The following TCEAL4 variants were observed in gnomAD, a reference collection of about 807,000 sequenced individuals.
TCEAL4 encodes the protein transcription elongation factor A like 4.
A neutral mutation model predicts 1.3 loss-of-function variants in TCEAL4; 1 was observed. The ratio of observed to expected loss-of-function variants is 0.79; its 90% CI spans 0.28 to 3.76. TCEAL4 has a LOEUF of 3.76. TCEAL4 is among the 30% of genes most tolerant of loss of function. TCEAL4 has a pLI of 0.18. For missense variants in TCEAL4, 129 were observed against 154.7 expected (o/e 0.83, Z 0.88); for synonymous variants, 54 against 50.7 (o/e 1.06, Z -0.28).
chrX:103,577,005 C>T, intron 1 of TCEAL4: 1 of 1,050,388 alleles, frequency 9.5e-7, no homozygotes, highest in Non-Finnish European at 1.3e-6. Context: ...CCAAAAATGC[C>T]AGGCAGATCT....
intron 1 of TCEAL4, 164 bp downstream of exon 1, chrX:103,585,788 G>A (rs1430335752): frequency 3.6e-5 from 40 of 1,121,251 alleles, no homozygotes; most frequent in Non-Finnish European, 4.4e-5. Context: ...GGTGGCTGAG[G>A]GGGAGCACGT....
At chrX:103,584,357 T>C (rs2073523785), upstream of TCEAL4, among the ~76,000 whole-genome samples, 1 of 112,162 alleles carries the variant, frequency 8.9e-6, no homozygotes, top group South Asian at 3.7e-4. Context: ...TTTCATGTAA[T>C]CTAATCTATC....
chrX:103,585,701 G>T, intron 1 of TCEAL4, 77 bp downstream of exon 1: 7 of 1,163,298 alleles, frequency 6.0e-6, no homozygotes, highest in Admixed American at 2.6e-5. Context: ...AGGGGGAAAG[G>T]CTGGGGGTGG....
chrX:103,579,691 T>C (rs1025300207), intron 2 of TCEAL4, among the ~76,000 whole-genome samples: 5 of 112,253 alleles, frequency 4.5e-5, no homozygotes, highest in African/African-American at 6.5e-5. Flanking sequence ...GGATGTTCTA[T>C]ATGCAAGATC....
rs927206000 is a variant in TCEAL4, at chrX:103,576,548, G to A, written c.63+16G>A. The A allele has an allele frequency of 1.2e-5, 12 of 961,981 alleles. No individual in the cohort carries two copies. The African/African-American group carries it at 2.1e-4, about 17-fold the overall frequency. The allele number at this position is 961,981 out of a possible 1,213,427, so 79.3% of individuals were successfully genotyped here. On this transcript the variant is annotated intron_variant, in intron 1 of 4. Coordinates refer to the TCEAL4 transcript ENST00000372629. ...GGAGGCCAGGGTGAGTAGATCACCT[G>A]AGGTCAGGAGTTTGAGGCCAGCCTG...
In TCEAL4 at chrX:103,580,314, T is replaced by A. The variant is rs180736178; in HGVS notation, c.183+3101T>A. ...AGATTAAACGGGTATACTAAGAAGA[T>A]TATGTAACTAAACCTGTAATGATGG... On this transcript the variant is annotated intron_variant, in intron 2 of 4. Coordinates refer to the TCEAL4 transcript ENST00000372629. Among the ~76,000 whole-genome samples the A allele has an allele frequency of 6.7e-3, 758 of 112,558 alleles. 4 individuals carry two copies. Among genetic ancestry groups the A allele is most frequent in the Non-Finnish European group, 0.012 (619 of 53,289 alleles).
In TCEAL4 at chrX:103,587,091, A is replaced by G. The variant is rs2073562194; in HGVS notation, c.416A>G (p.Lys139Arg). ...KTNKGLAHYL[K>R]EYKEAIHDMN... ...AATAAGGGGCTGGCTCATTACCTCA[A>G]GGAGTATAAAGAGGCCATACATGAT... The change falls in exon 3 of 3, where the codon AAG (lysine) becomes AGG (arginine). Residue 139 changes from lysine (K) to arginine (R), a missense_variant. By Grantham distance (26) the Lys-to-Arg change is conservative. Transcript: ENST00000472484. 8 of 1,209,465 alleles carry G rather than the reference A, an allele frequency of 6.6e-6. No individual in the cohort carries two copies. The highest frequency in any genetic ancestry group is 8.9e-6 in the Non-Finnish European group (8 of 895,161).
At chrX:103,583,475 A>G (rs1304999956), upstream of TCEAL4, among the ~76,000 whole-genome samples, 1 of 112,580 alleles carries the variant, frequency 8.9e-6, no homozygotes, top group Non-Finnish European at 1.9e-5. Flanking sequence ...ATGCCCATCA[A>G]TGATAGACTA....
upstream of TCEAL4, chrX:103,585,468 G>C: frequency 4.6e-6 from 5 of 1,086,104 alleles, no homozygotes; most frequent in Non-Finnish European, 6.0e-6. Context: ...GCTAGGAGGC[G>C]GGGCGTGGGG....
chrX:103,585,719 T>C, intron 1 of TCEAL4, 95 bp downstream of exon 1: 1 of 1,157,794 alleles, frequency 8.6e-7, no homozygotes, highest in South Asian at 1.9e-5. Flanking sequence ...TGGGGTCGGG[T>C]CGAGTCGAGG....
intron 2 of TCEAL4, among the ~76,000 whole-genome samples, chrX:103,578,928 A>T (rs1265914837): frequency 1.8e-5 from 2 of 112,194 alleles, no homozygotes; most frequent in Admixed American, 9.5e-5. Context: ...GGTCATAAAG[A>T]ATTACACCTA....
upstream of TCEAL4, chrX:103,585,359 T>C (rs924099568): frequency 1.2e-5 from 9 of 731,702 alleles, no homozygotes; most frequent in Admixed American, 5.2e-5. Context: ...ATTAAGATTC[T>C]TTCTTTGATT....
chrX:103,577,148 T>C (rs1367125740), exon 2 of TCEAL4: 3 of 1,167,151 alleles, frequency 2.6e-6, no homozygotes, highest in East Asian at 3.2e-5. Flanking sequence ...ATGCGAAGAA[T>C]GGAAAGGTCA....
intron 2 of TCEAL4, among the ~76,000 whole-genome samples, chrX:103,578,146 T>C (rs1285385758): frequency 8.9e-6 from 1 of 112,631 alleles, no homozygotes; most frequent in African/African-American, 3.2e-5. Flanking sequence ...TTTTCAAGGT[T>C]CATTCATGTT....
intron 2 of TCEAL4, among the ~76,000 whole-genome samples, chrX:103,579,512 TG>T (rs2073498302): frequency 8.9e-6 from 1 of 112,640 alleles, no homozygotes; most frequent in South Asian, 3.6e-4. Context: ...TATTTCTAAG[TG>T]TTTTATTATC....
upstream of TCEAL4, chrX:103,585,358 C>A: frequency 2.8e-6 from 2 of 709,791 alleles, no homozygotes; most frequent in East Asian, 4.9e-5. Flanking sequence ...CATTAAGATT[C>A]TTTCTTTGAT....
upstream of TCEAL4, chrX:103,585,445 C>G: frequency 9.3e-7 from 1 of 1,075,175 alleles, no homozygotes; most frequent in Non-Finnish European, 1.2e-6. Context: ...TGGTGGGTGG[C>G]TGGAAGCGGC....
rs754451993 is a variant in TCEAL4, at chrX:103,586,912, G to A, written c.237G>A (p.Glu79=). Residue 79 remains glutamate (E), a synonymous_variant, in exon 3 of 3, where the codon GAG becomes GAA. Transcript: ENST00000472484. ...GEAKEGKSER[E]GESEMEGGSE... Reference sequence around the variant, plus strand: ...CAAAAGAAGGAAAGTCAGAGAGGGAGGGAGAGTCAGAGATGGAGGGAGGAT... The same window carrying A: ...CAAAAGAAGGAAAGTCAGAGAGGGAAGGAGAGTCAGAGATGGAGGGAGGAT... The A allele has an allele frequency of 3.3e-6, 4 of 1,198,763 alleles. No individual in the cohort carries two copies. The highest frequency in any genetic ancestry group is 1.8e-5 in the African/African-American group (1 of 56,424).
chrX:103,584,623 GAGTCTACCCATAAGAGAACAA>G (rs1255928517), upstream of TCEAL4, among the ~76,000 whole-genome samples: 1 of 112,385 alleles, frequency 8.9e-6, no homozygotes, highest in Non-Finnish European at 1.9e-5. Context: ...GAGATAAACG[GAGTCTACCCATAAGAGAACAA>G]ACAAGTGCTA....
Sources: allele counts gnomAD v4.1 joint callset (sites outside exome capture counted in the v4.1 genomes callset), GRCh38; gene constraint gnomAD v4.1.1; transcripts MANE v1.5; gene names NCBI Gene and HGNC (gene_info 2026-07-23, HGNC 2026-07-21).